Variants in VAPA observed in about 807,000 individuals in gnomAD.
VAPA encodes vesicle-associated membrane protein-associated protein A.
In VAPA, 6 loss-of-function variants were observed where a neutral mutation model predicts 25.6. The ratio of observed to expected loss-of-function variants is 0.23; its 90% CI spans 0.13 to 0.46. The LOEUF (loss-of-function observed/expected upper bound fraction) is 0.46, where lower values mean the gene tolerates loss of function less well. Ranked by LOEUF, VAPA falls within the 20% of genes least tolerant of loss-of-function variation. The probability of loss-of-function intolerance (pLI) is 0.99; values close to 1 mark genes in which losing one functional copy is unlikely to be tolerated. For synonymous variants in VAPA, 112 were observed against 106.2 expected (o/e 1.05, Z -0.34); for missense variants, 244 against 302.1 (o/e 0.81, Z 1.43).
At chr18:9,935,953 T>A (rs920800148) in intron 2 of VAPA, among the ~76,000 whole-genome samples, 157 bp from the exon 3 acceptor site, 1 of 152,242 alleles carries the variant, frequency 6.6e-6, no homozygotes, top group Non-Finnish European at 1.5e-5. Context: ...TGGTTTTTTT[T>A]AAATTTGCAT....
At position 9,956,557 on chromosome 18, in the gene VAPA, G is replaced by C. The variant is rs1441873233; in HGVS notation, c.*2346G>C. 2.0e-5 allele frequency: 3 copies of C among 152,550 alleles called. No homozygotes were observed. The highest frequency in any genetic ancestry group is 2.0e-4 in the Admixed American group (3 of 15,280). 9.4% of individuals were successfully genotyped at this position (152,550 alleles called of 1,614,324 possible). ...TAAAATGTATGTGGGCTTAACTGTTGTTCATATCAGGAGATGCTCTGATTG... is the reference window on the plus strand; with the variant it reads ...TAAAATGTATGTGGGCTTAACTGTTCTTCATATCAGGAGATGCTCTGATTG... On this transcript the variant is annotated 3_prime_UTR_variant, in exon 6 of 6. Transcript: ENST00000400000.
At chr18:9,919,367 A>C (rs1417449604) in intron 1 of VAPA, among the ~76,000 whole-genome samples, 2 of 152,240 alleles carry the variant, frequency 1.3e-5, no homozygotes, top group Non-Finnish European at 2.9e-5. Flanking sequence ...AGATTTGAGT[A>C]TCTGCTACAT....
chr18:9,921,031 A>G (rs759009795), intron 1 of VAPA, among the ~76,000 whole-genome samples: 25 of 152,228 alleles, frequency 1.6e-4, no homozygotes, highest in Non-Finnish European at 2.6e-4. Flanking sequence ...TTAGGCTTAC[A>G]TATTCTCCCC....
chr18:9,948,582 C>G (rs1308118413), intron 4 of VAPA: 1 of 151,724 alleles, frequency 6.6e-6, no homozygotes, highest in Non-Finnish European at 1.5e-5. Flanking sequence ...TTTTTTTCCC[C>G]CTTTTGGAGA....
chr18:9,921,075 C>G (rs1176810588), intron 1 of VAPA, among the ~76,000 whole-genome samples: 1 of 152,176 alleles, frequency 6.6e-6, no homozygotes, highest in Non-Finnish European at 1.5e-5. Context: ...GAGTATATAC[C>G]TGTTAATGTT....
chr18:9,920,821 C>G (rs1055010440), intron 1 of VAPA, among the ~76,000 whole-genome samples: 26 of 152,206 alleles, frequency 1.7e-4, no homozygotes, highest in African/African-American at 6.0e-4. Context: ...CCCAAACACT[C>G]CAGGCCACTG....
At chr18:9,918,842 C>T (rs1204954883) in intron 1 of VAPA, among the ~76,000 whole-genome samples, 1 of 152,186 alleles carries the variant, frequency 6.6e-6, no homozygotes, top group Admixed American at 6.5e-5. Flanking sequence ...ATATGATATT[C>T]TAAACTCAAA....
chr18:9,949,430 A>G (rs896100056), intron 4 of VAPA: 3 of 152,194 alleles, frequency 2.0e-5, no homozygotes, highest in African/African-American at 4.8e-5. Context: ...CCTTTGAACA[A>G]TCTGTTTATA....
chr18:9,927,711 AT>A (rs969109954), intron 1 of VAPA, among the ~76,000 whole-genome samples: 2 of 152,034 alleles, frequency 1.3e-5, no homozygotes, highest in Non-Finnish European at 2.9e-5. Context: ...ATTTTCTAAT[AT>A]TTTTGACATG....
intron 1 of VAPA, among the ~76,000 whole-genome samples, chr18:9,923,755 A>G (rs2069176515): frequency 6.6e-6 from 1 of 152,186 alleles, no homozygotes; most frequent in Admixed American, 6.5e-5. Context: ...CAGATCCCCA[A>G]AAAATCTGTG....
chr18:9,938,115 G>A (rs986694092), intron 4 of VAPA, among the ~76,000 whole-genome samples: 8 of 151,936 alleles, frequency 5.3e-5, no homozygotes, highest in Admixed American at 3.9e-4. Context: ...TTGCTTAGGC[G>A]GAGGGAAGCT....
chr18:9,937,638 T>C (rs1243784734), intron 4 of VAPA, among the ~76,000 whole-genome samples: 1 of 152,192 alleles, frequency 6.6e-6, no homozygotes, highest in Non-Finnish European at 1.5e-5. Context: ...AAATAGTCTG[T>C]GAATGTACCG....
rs538307956 is a variant in VAPA, at chr18:9,925,419, T to G, written c.80-6391T>G. ...CTTTTATGATGTTAGTGAAATCTTA[T>G]GAAGAGATATGTTTTAGTGCTTCAA... On this transcript the variant is annotated intron_variant, in intron 1 of 5. Transcript: ENST00000400000. Among the ~76,000 whole-genome samples the G allele has an allele frequency of 7.2e-5, 11 of 152,262 alleles. No individual in the cohort carries two copies. In the East Asian group the frequency reaches 2.1e-3, roughly 29 times the overall value.
intron 1 of VAPA, among the ~76,000 whole-genome samples, chr18:9,921,540 G>GT (rs985972964): frequency 6.6e-6 from 1 of 152,176 alleles, no homozygotes; most frequent in African/African-American, 2.4e-5. Context: ...ATAACATGAT[G>GT]TTATGGGATA....
At chr18:9,922,374 T>G (rs969681676) in intron 1 of VAPA, among the ~76,000 whole-genome samples, 2 of 152,204 alleles carry the variant, frequency 1.3e-5, no homozygotes, top group African/African-American at 4.8e-5. Context: ...CTTTGCATAA[T>G]CATGATACTG....
At chr18:9,953,503 A>G (rs1042485071) in intron 5 of VAPA, among the ~76,000 whole-genome samples, 3 of 152,140 alleles carry the variant, frequency 2.0e-5, no homozygotes, top group Non-Finnish European at 2.9e-5. Context: ...CTGTGATACC[A>G]TATCTCTGTT....
chr18:9,931,725 G>A (rs1440684958), intron 1 of VAPA, 85 bp from the exon 2 acceptor site: 1 of 1,166,072 alleles, frequency 8.6e-7, no homozygotes, highest in Non-Finnish European at 1.2e-6. Flanking sequence ...AATTAAAATT[G>A]AGGTTATATA....
At chr18:9,916,616 T>C (rs1255519403) in intron 1 of VAPA, among the ~76,000 whole-genome samples, 2 of 152,196 alleles carry the variant, frequency 1.3e-5, no homozygotes, top group Non-Finnish European at 2.9e-5. Flanking sequence ...AATATTATCG[T>C]TTTAGTCAAA....
At chr18:9,942,955 T>TA (rs1172339130) in intron 4 of VAPA, among the ~76,000 whole-genome samples, 7 of 152,208 alleles carry the variant, frequency 4.6e-5, no homozygotes, top group African/African-American at 1.7e-4. Flanking sequence ...TGTATGCGTA[T>TA]ACCCCACTTG....
Sources: allele counts gnomAD v4.1 joint callset (sites outside exome capture counted in the v4.1 genomes callset), GRCh38; gene constraint gnomAD v4.1.1; transcripts MANE v1.5; gene names NCBI Gene and HGNC (gene_info 2026-07-23, HGNC 2026-07-21).